The following ZBTB41 variants were observed in gnomAD, a reference collection of about 807,000 sequenced individuals.
The protein encoded by ZBTB41 is zinc finger and BTB domain containing 41.
Under a neutral mutation model 87.6 loss-of-function variants are expected in ZBTB41, and 42 were observed. The ratio of observed to expected loss-of-function variants is 0.48; its 90% CI spans 0.37 to 0.62. ZBTB41 has a LOEUF of 0.62. Among genes scored for constraint, ZBTB41 ranks in the 20% least tolerant of loss-of-function variants. The pLI is 0.00. For missense variants in ZBTB41, 799 were observed against 1,078.9 expected (o/e 0.74, Z 3.63); for synonymous variants, 364 against 364.0 (o/e 1.00, Z 0.00).
intron 8 of ZBTB41, chr1:197,175,865 A>G (rs568027151): frequency 5.9e-4 from 90 of 152,120 alleles, no homozygotes; most frequent in African/African-American, 2.1e-3. Context: ...AGATCATCTC[A>G]GAAAATTACT....
chr1:197,176,712 A>T, intron 7 of ZBTB41, 42 bp from the exon 8 acceptor site: 1 of 1,410,052 alleles, frequency 7.1e-7, no homozygotes. Context: ...AACTGGTGAC[A>T]TAGAAGGAAA....
chr1:197,166,244 C>T (rs1012297041), intron 10 of ZBTB41, among the ~76,000 whole-genome samples: 1 of 151,686 alleles, frequency 6.6e-6, no homozygotes, highest in Admixed American at 6.6e-5. Flanking sequence ...AAAGAGAAAG[C>T]AGATATGAAA....
intron 7 of ZBTB41, 34 bp downstream of exon 7, chr1:197,178,383 T>C: frequency 1.4e-6 from 2 of 1,395,298 alleles, no homozygotes; most frequent in East Asian, 4.7e-5. Flanking sequence ...TAATTCTATC[T>C]TACTTAATAA....
chr1:197,185,869 T>C (rs958100151), intron 5 of ZBTB41, among the ~76,000 whole-genome samples: 2 of 152,144 alleles, frequency 1.3e-5, no homozygotes, highest in Non-Finnish European at 2.9e-5. Context: ...AGATATCCCA[T>C]GTTCATGGAA....
Position 197,158,769 on chromosome 1 carries a change from T to C in ZBTB41, c.*590A>G, listed in dbSNP as rs1286677212. The C allele has an allele frequency of 6.6e-6, 1 of 152,204 alleles. No individual in the cohort carries two copies. Among genetic ancestry groups the C allele is most frequent in the Non-Finnish European group, 1.5e-5 (1 of 68,066 alleles). 9.4% of individuals were successfully genotyped at this position (152,204 alleles called of 1,614,324 possible). ...TTACATTAGTTAAGCTTTCTGGCTT[T>C]GAGTATATCAAAAGTCCAAAGGATA... On this transcript the variant is annotated 3_prime_UTR_variant, in exon 11 of 11. Coordinates refer to ENST00000367405, the MANE Select transcript of ZBTB41 (RefSeq NM_194314.3).
intron 10 of ZBTB41, among the ~76,000 whole-genome samples, chr1:197,171,268 CT>C (rs1187289730): frequency 6.6e-6 from 1 of 152,002 alleles, no homozygotes; most frequent in Non-Finnish European, 1.5e-5. Context: ...CAAATTATGC[CT>C]TTTTTTATTT....
At chr1:197,180,500 C>T (rs947734081) in intron 6 of ZBTB41, among the ~76,000 whole-genome samples, 1 of 152,078 alleles carries the variant, frequency 6.6e-6, no homozygotes, top group Non-Finnish European at 1.5e-5. Context: ...TTCTACAAGG[C>T]CCACCAATAT....
intron 5 of ZBTB41, among the ~76,000 whole-genome samples, chr1:197,187,584 G>C (rs1243467463): frequency 1.3e-5 from 2 of 151,924 alleles, no homozygotes; most frequent in East Asian, 3.9e-4. Context: ...TTTTATTGTT[G>C]TATTGTTATG....
rs1325324753 is a variant in ZBTB41 at position 197,154,065 on chromosome 1, G to C, written c.*5294C>G. ...CCCAGTTTTGTATTATTTTCTGGCA[G>C]CCACACTCATCAATTGTAATACAGT... is the stretch of plus-strand genomic sequence containing the variant. On this transcript the variant is annotated 3_prime_UTR_variant, in exon 11 of 11. Transcript: ENST00000367405. The C allele has an allele frequency of 6.6e-6, 1 of 152,478 alleles. No homozygotes were observed. 9.4% of individuals were successfully genotyped at this position (152,478 alleles called of 1,614,324 possible).
intron 5 of ZBTB41, 23 bp from the exon 6 acceptor site, chr1:197,181,140 G>C: frequency 6.4e-7 from 1 of 1,553,072 alleles, no homozygotes; most frequent in Non-Finnish European, 8.6e-7. Flanking sequence ...AAAAAAAAGT[G>C]TGCATTTAAA....
chr1:197,164,596 T>G (rs946222728), intron 10 of ZBTB41, among the ~76,000 whole-genome samples: 16 of 149,028 alleles, frequency 1.1e-4, no homozygotes, highest in Middle Eastern at 3.8e-3. Flanking sequence ...GTAATCTTTA[T>G]CCCATAATAA....
chr1:197,201,045 C>T (rs561474290), intron 1 of ZBTB41, among the ~76,000 whole-genome samples, 178 bp downstream of exon 1: 11 of 152,316 alleles, frequency 7.2e-5, no homozygotes, highest in African/African-American at 2.2e-4. Context: ...CAAAGCCACC[C>T]GGTGAGAGAC....
intron 2 of ZBTB41, among the ~76,000 whole-genome samples, chr1:197,194,529 T>C (rs999418298): frequency 1.3e-5 from 2 of 151,398 alleles, no homozygotes; most frequent in Non-Finnish European, 2.9e-5. Context: ...CTGAAGTCAT[T>C]GAAATGGCAG....
Position 197,171,228 on chromosome 1 carries a change from C to T in ZBTB41, c.2074+932G>A, listed in dbSNP as rs1659468927. Among the ~76,000 whole-genome samples the T allele has an allele frequency of 2.6e-5, 4 of 152,054 alleles. No homozygotes were observed. In the South Asian group the frequency reaches 8.3e-4, roughly 31 times the overall value. On this transcript the variant is annotated intron_variant, in intron 10 of 10. Coordinates refer to ENST00000367405, the MANE Select transcript of ZBTB41 (RefSeq NM_194314.3). The stretch of plus-strand genomic sequence containing the variant: ...ATGGAAGATACCATCAAGTTCGTTT[C>T]CTCATTTTACACTTTTATTTATGCT...
chr1:197,164,274 G>C (rs2125123373), intron 10 of ZBTB41, among the ~76,000 whole-genome samples: 1 of 151,912 alleles, frequency 6.6e-6, no homozygotes, highest in Non-Finnish European at 1.5e-5. Flanking sequence ...CATAATGAAA[G>C]AACACATAAT....
Position 197,159,473 on chromosome 1 carries a change from T to A in ZBTB41, c.2616A>T (p.Pro872=), listed in dbSNP as rs1452207833. Residue 872 remains proline, a synonymous_variant, in exon 11 of 11, where the codon CCA becomes CCT. Transcript: ENST00000367405. The part of the protein sequence containing the change: ...LTPQPANIVH[P]VRPEQMLDPR... ...GATCTAGCATTTGTTCAGGTCGAAC[T>A]GGGTGAACTATATTTGCAGGTTGAG... is the stretch of plus-strand genomic sequence containing the variant. 1 of 1,613,990 alleles carries A rather than the reference T, an allele frequency of 6.2e-7. No homozygotes were observed. Among genetic ancestry groups the A allele is most frequent in the Non-Finnish European group, 8.5e-7 (1 of 1,179,878 alleles).
chr1:197,187,367 G>C (rs1003040961), intron 5 of ZBTB41, among the ~76,000 whole-genome samples: 12 of 152,110 alleles, frequency 7.9e-5, no homozygotes, highest in African/African-American at 1.2e-4. Flanking sequence ...GTCCTCCCTA[G>C]GTATCCATGA....
intron 7 of ZBTB41, 32 bp downstream of exon 7, chr1:197,178,381 TCTTA>T (rs757875111): frequency 2.9e-5 from 40 of 1,372,478 alleles, no homozygotes; most frequent in Non-Finnish European, 4.0e-5. Flanking sequence ...TATAATTCTA[TCTTA>T]CTTAATAAAG....
chr1:197,198,370 C>T (rs1557989384), intron 2 of ZBTB41, among the ~76,000 whole-genome samples: 1 of 152,130 alleles, frequency 6.6e-6, no homozygotes, highest in Non-Finnish European at 1.5e-5. Flanking sequence ...CAAATGATCA[C>T]CAATTCCTTA....
Sources: gnomAD v4.1 joint callset for allele counts (sites outside exome capture counted in the v4.1 genomes callset) on GRCh38, gnomAD v4.1.1 for gene constraint, MANE v1.5 for transcripts, NCBI Gene and HGNC (gene_info 2026-07-23, HGNC 2026-07-21) for gene names.